The following CUX1 variants were observed in gnomAD, a reference collection of about 807,000 sequenced individuals.
The protein encoded by CUX1 is cut like homeobox 1.
In CUX1, 31 loss-of-function variants were observed where a neutral mutation model predicts 158.8. The observed-to-expected ratio is 0.20, with a 90% CI of 0.15 to 0.26. The LOEUF is 0.26. Among genes scored for constraint, CUX1 ranks in the 10% least tolerant of loss-of-function variants. CUX1 has a pLI of 1.00. For missense variants in CUX1, 1,589 were observed against 2,014.6 expected (o/e 0.79, Z 4.04); for synonymous variants, 879 against 862.1 (o/e 1.02, Z -0.34).
intron 2 of CUX1, among the ~76,000 whole-genome samples, chr7:101,973,946 T>G (rs956584427): frequency 1.3e-5 from 2 of 151,798 alleles, no homozygotes; most frequent in Non-Finnish European, 2.9e-5. Context: ...TTTTTTGTAT[T>G]TTTAGTAGAG....
At chr7:102,208,766 C>T (rs1796201098) in intron 20 of CUX1, among the ~76,000 whole-genome samples, 1 of 152,102 alleles carries the variant, frequency 6.6e-6, no homozygotes, top group Non-Finnish European at 1.5e-5. Context: ...TTCAAGAGGC[C>T]CCCAGACCCA....
chr7:101,865,401 C>T (rs549879526), intron 1 of CUX1, among the ~76,000 whole-genome samples: 2 of 152,338 alleles, frequency 1.3e-5, no homozygotes, highest in South Asian at 2.1e-4. Context: ...CACTGATGTT[C>T]GTGCAGACTA....
intron 1 of CUX1, among the ~76,000 whole-genome samples, chr7:101,902,331 C>T (rs1389665435): frequency 1.3e-5 from 2 of 152,296 alleles, no homozygotes; most frequent in East Asian, 1.9e-4. Context: ...GCGTTATCCT[C>T]AGGACCTGGG....
chr7:102,012,724 G>A (rs568771715), intron 2 of CUX1, among the ~76,000 whole-genome samples: 5 of 151,350 alleles, frequency 3.3e-5, no homozygotes, highest in East Asian at 3.9e-4. Flanking sequence ...GGGGTTGTCC[G>A]TCTTTGTATC....
intron 8 of CUX1, among the ~76,000 whole-genome samples, chr7:102,118,258 C>T (rs1673591753): frequency 6.6e-6 from 1 of 152,200 alleles, no homozygotes; most frequent in Non-Finnish European, 1.5e-5. Context: ...ATTCTTAGGG[C>T]CAGGCGCGGT....
At chr7:102,019,432 C>T (rs1230879852) in intron 2 of CUX1, among the ~76,000 whole-genome samples, 2 of 152,100 alleles carry the variant, frequency 1.3e-5, no homozygotes, top group African/African-American at 2.4e-5. Context: ...ACCATGTTGG[C>T]GAGGCTGGTC....
chr7:101,859,113 T>G lies in CUX1; in HGVS notation c.30+41444T>G, dbSNP rs553540964. Among the ~76,000 whole-genome samples, 20 of 152,260 alleles carry G rather than the reference T, an allele frequency of 1.3e-4. 2 individuals carry two copies. Among genetic ancestry groups the G allele is most frequent in the Admixed American group, 8.5e-4 (13 of 15,282 alleles). On this transcript the variant is annotated intron_variant, in intron 1 of 23. Coordinates refer to ENST00000292535, the MANE Select transcript of CUX1 (RefSeq NM_181552.4). ...ACTCTAGCTCGACTTCAGGCTATAG[T>G]TTTGTTTATGCCCTTGTCACTAAAG...
intron 1 of CUX1, among the ~76,000 whole-genome samples, chr7:101,847,047 G>A (rs1269816775): frequency 6.6e-6 from 1 of 152,160 alleles, no homozygotes; most frequent in African/African-American, 2.4e-5. Context: ...AGGAGGCCGA[G>A]ATGGGAGGAT....
At chr7:102,133,247 C>A (rs1403395998) in intron 8 of CUX1, among the ~76,000 whole-genome samples, 5 of 152,028 alleles carry the variant, frequency 3.3e-5, no homozygotes, top group Non-Finnish European at 7.4e-5. Context: ...CAAACTCCAC[C>A]GTCCTATAGA....
intron 20 of CUX1, among the ~76,000 whole-genome samples, chr7:102,222,552 G>T (rs1019951246): frequency 2.0e-5 from 3 of 152,026 alleles, no homozygotes; most frequent in African/African-American, 7.3e-5. Context: ...CTCCATTCAC[G>T]CCTGGTATGA....
At chr7:102,195,413 G>A in intron 13 of CUX1, 94 bp from the exon 14 acceptor site, 1 of 977,468 alleles carries the variant, frequency 1.0e-6, no homozygotes, top group Non-Finnish European at 1.5e-6. Context: ...TGGGAACGCG[G>A]ACAGATGGAG....
chr7:102,254,977 G>C lies in CUX1; in HGVS notation c.*5935G>C. On this transcript the variant is annotated 3_prime_UTR_variant, in exon 24 of 24. Transcript: ENST00000292535. ...CCAGTCTGTGAAACCCTTAGAGATG[G>C]GCTGAAAGTTAAGTCCACCAACCCT... is the stretch of plus-strand genomic sequence containing the variant. The C allele has an allele frequency of 1.0e-6, 1 of 985,440 alleles. No individual in the cohort carries two copies. The highest frequency in any genetic ancestry group is 1.2e-6 in the Non-Finnish European group (1 of 829,964). 61.0% of individuals were successfully genotyped at this position (985,440 alleles called of 1,614,324 possible).
intron 20 of CUX1, among the ~76,000 whole-genome samples, chr7:102,219,836 G>C (rs782693394): frequency 6.6e-6 from 1 of 152,210 alleles, no homozygotes; most frequent in Non-Finnish European, 1.5e-5. Flanking sequence ...GAATACTGTA[G>C]GTTTTTATAT....
At chr7:102,283,008 C>T in intron 22 of CUX1, 1 of 1,611,982 alleles carries the variant, frequency 6.2e-7, no homozygotes, top group Non-Finnish European at 8.5e-7. Context: ...GCAAAGCTTC[C>T]CGTGTCCCCC....
intron 1 of CUX1, among the ~76,000 whole-genome samples, chr7:101,885,740 A>G (rs1387349450): frequency 6.6e-6 from 1 of 152,150 alleles, no homozygotes; most frequent in African/African-American, 2.4e-5. Flanking sequence ...GGACTACTCA[A>G]TAAATATTAA....
At chr7:102,107,857 C>T (rs1301889536) in intron 6 of CUX1, among the ~76,000 whole-genome samples, 3 of 152,224 alleles carry the variant, frequency 2.0e-5, no homozygotes, top group Non-Finnish European at 2.9e-5. Flanking sequence ...CGGACCAAGG[C>T]CAGTCCCTTG....
At chr7:102,093,197 C>T (rs1554482892) in intron 4 of CUX1, among the ~76,000 whole-genome samples, 1 of 143,306 alleles carries the variant, frequency 7.0e-6, no homozygotes, top group African/African-American at 2.6e-5. Flanking sequence ...TCACTCTGTC[C>T]CTCAGGCTGG....
chr7:102,191,056 GCCTGGGACCCCCAGCCTC>G (rs1331942627), intron 12 of CUX1, among the ~76,000 whole-genome samples: 6 of 151,920 alleles, frequency 3.9e-5, no homozygotes, highest in Non-Finnish European at 8.8e-5. Context: ...GCCTTCTCTC[GCCTGGGACCCCCAGCCTC>G]CCTGGCGTCT....
At chr7:102,066,872 G>A (rs921973918) in intron 3 of CUX1, among the ~76,000 whole-genome samples, 10 of 152,232 alleles carry the variant, frequency 6.6e-5, no homozygotes, top group Non-Finnish European at 1.0e-4. Context: ...AATAGATACT[G>A]AGAAAGATAC....
Sources: allele counts gnomAD v4.1 joint callset (sites outside exome capture counted in the v4.1 genomes callset), GRCh38; gene constraint gnomAD v4.1.1; transcripts MANE v1.5; gene names NCBI Gene and HGNC (gene_info 2026-07-23, HGNC 2026-07-21).